The following PCDHGA6 variants were observed in gnomAD, a reference collection of about 807,000 sequenced individuals.
PCDHGA6 encodes protocadherin gamma subfamily A, 6.
Under a neutral mutation model 60.6 loss-of-function variants are expected in PCDHGA6, and 41 were observed. That is an observed-to-expected ratio of 0.68 (90% confidence interval 0.53 to 0.88). PCDHGA6 has a LOEUF of 0.88. Among genes scored for constraint, PCDHGA6 ranks in the 40% least tolerant of loss-of-function variants. The pLI is 0.00. For missense variants in PCDHGA6, 1,312 were observed against 1,203.0 expected, an observed-to-expected ratio of 1.09 and a Z score of -1.34; for synonymous variants, 594 against 524.4, an observed-to-expected ratio of 1.13 and a Z score of -1.81.
At chr5:141,421,261 C>T (rs753531462) in intron 1 of PCDHGA6, 24 of 1,609,076 alleles carry the variant, frequency 1.5e-5, no homozygotes, top group Non-Finnish European at 2.0e-5. Context: ...GGACCGCAGT[C>T]GGCTGCTGCT....
chr5:141,423,603 C>G, intron 1 of PCDHGA6: 1 of 1,612,584 alleles, frequency 6.2e-7, no homozygotes. Flanking sequence ...GCGAGCCACT[C>G]TTGATAGCTG....
At chr5:141,398,009 C>A (rs1589315775) in intron 1 of PCDHGA6, 6 of 1,400,558 alleles carry the variant, frequency 4.3e-6, no homozygotes, top group East Asian at 5.1e-5. Flanking sequence ...GAAAAAGAAT[C>A]GTTTCCTAAA....
chr5:141,484,277 G>T (rs1026083889), intron 1 of PCDHGA6, among the ~76,000 whole-genome samples: 1 of 152,126 alleles, frequency 6.6e-6, no homozygotes, highest in South Asian at 2.1e-4. Context: ...TTACTGTTTT[G>T]AAACATCTCC....
At chr5:141,435,214 A>C (rs1314928643) in intron 1 of PCDHGA6, among the ~76,000 whole-genome samples, 1 of 152,176 alleles carries the variant, frequency 6.6e-6, no homozygotes, top group Non-Finnish European at 1.5e-5. Flanking sequence ...AAGTGAATTT[A>C]CTTTCTTTCA....
Position 141,374,535 on chromosome 5 carries a change from G to C in PCDHGA6, c.452G>C (p.Arg151Pro), listed in dbSNP as rs752542327. 2 of 1,613,092 alleles carry C rather than the reference G, an allele frequency of 1.2e-6. No homozygotes were observed. The highest frequency in any genetic ancestry group is 1.3e-5 in the African/African-American group (1 of 75,040). Residue 151 changes from arginine (R) to proline (P), a missense_variant, in exon 1 of 4, where the codon CGT becomes CCT. Physicochemically the swap from Arg to Pro is moderately radical, Grantham distance 103. Coordinates refer to ENST00000517434, the MANE Select transcript of PCDHGA6 (RefSeq NM_018919.3). The part of the protein sequence containing the change: ...KILENAAPSS[R>P]FPLMEVYDPD... ...CTCGAAAACGCAGCTCCATCCTCTC[G>C]TTTTCCACTAATGGAGGTCTATGAC...
intron 1 of PCDHGA6, chr5:141,383,386 G>C (rs1199066955): frequency 1.2e-6 from 2 of 1,614,000 alleles, no homozygotes; most frequent in Non-Finnish European, 1.7e-6. Context: ...TCCAGATGTG[G>C]GCACGAACTC....
rs762443906 is a variant in PCDHGA6, at chr5:141,374,173, G to C, written c.90G>C (p.Gln30His). The C allele has an allele frequency of 3.1e-6, 5 of 1,613,352 alleles. No homozygotes were observed. The South Asian group carries it at 4.4e-5, about 14-fold the overall frequency. ...CGCTGTGGGGGGCCGCGGCAGCGCA[G>C]ATCCGCTACTCTATTCCCGAGGAGC... ...LGTLWGAAAA[Q>H]IRYSIPEELE... is the part of the protein sequence containing the mutation. Residue 30 changes from glutamine (Q) to histidine (H), a missense_variant, in exon 1 of 4, where the codon CAG (glutamine) becomes CAC (histidine). Coordinates refer to ENST00000517434, the MANE Select transcript of PCDHGA6 (RefSeq NM_018919.3).
chr5:141,492,274 A>C (rs2099739010), intron 1 of PCDHGA6, among the ~76,000 whole-genome samples: 1 of 152,024 alleles, frequency 6.6e-6, no homozygotes, highest in Non-Finnish European at 1.5e-5. Flanking sequence ...CGGGCTCGCC[A>C]CGCCCCGCCA....
At chr5:141,394,482 G>A in intron 1 of PCDHGA6, 1 of 1,614,240 alleles carries the variant, frequency 6.2e-7, no homozygotes, top group Non-Finnish European at 8.5e-7. Context: ...GGACCAGAAT[G>A]ACAACGCGCC....
At position 141,486,090 on chromosome 5, in the gene PCDHGA6, G is replaced by C. The variant is rs190955361; in HGVS notation, c.2425-8717G>C. On this transcript the variant is annotated intron_variant, in intron 1 of 3. Transcript: ENST00000517434. The surrounding 1 kb of genome is among the most constrained non-coding windows in gnomAD (Gnocchi z 5.0). ...ACTACTGGAAAGCTTACTCTTTTGG[G>C]GCCCCTAGACTTTGAGAGTGAGAAT... 4 of 1,614,086 alleles carry C rather than the reference G, an allele frequency of 2.5e-6. No individual in the cohort carries two copies. The Admixed American group carries it at 6.7e-5, about 27-fold the overall frequency.
chr5:141,382,310 C>T (rs1423976376), intron 1 of PCDHGA6, among the ~76,000 whole-genome samples: 1 of 152,178 alleles, frequency 6.6e-6, no homozygotes, highest in African/African-American at 2.4e-5. Flanking sequence ...AATTTATATA[C>T]ACTGATGTAA....
At chr5:141,475,980 C>T (rs758066578) in intron 1 of PCDHGA6, 45 of 1,028,498 alleles carry the variant, frequency 4.4e-5, no homozygotes, top group Non-Finnish European at 6.2e-5. Flanking sequence ...ACTGAACAGC[C>T]GGCGAGCAAA....
intron 2 of PCDHGA6, among the ~76,000 whole-genome samples, chr5:141,498,839 A>C (rs2099786236): frequency 6.6e-6 from 1 of 152,062 alleles, no homozygotes; most frequent in Non-Finnish European, 1.5e-5. Context: ...AGGCTGAGGC[A>C]GGGGAATCGC....
At position 141,409,019 on chromosome 5, in the gene PCDHGA6, G is replaced by T; in HGVS notation, c.2424+32512G>T. 2.5e-6 allele frequency: 4 copies of T among 1,613,996 alleles called. No homozygotes were observed. The South Asian group carries it at 3.3e-5, about 13-fold the overall frequency. On this transcript the variant is annotated intron_variant, in intron 1 of 3. Coordinates refer to ENST00000517434, the MANE Select transcript of PCDHGA6 (RefSeq NM_018919.3). The stretch of plus-strand genomic sequence containing the variant: ...GACAGCCACTGACCAGGATGAGGGG[G>T]TCAATGCTGAGATAAACTACTACTT...
intron 1 of PCDHGA6, chr5:141,422,419 A>G (rs1318381358): frequency 8.7e-6 from 14 of 1,607,158 alleles, no homozygotes; most frequent in Non-Finnish European, 1.2e-5. Context: ...ATTAGAAAAG[A>G]CTTATGGAAA....
chr5:141,415,522 C>T, intron 1 of PCDHGA6: 1 of 1,614,178 alleles, frequency 6.2e-7, no homozygotes, highest in African/African-American at 1.3e-5. Flanking sequence ...TGCGGACACG[C>T]TCATCAGCCA....
At position 141,374,776 on chromosome 5, in the gene PCDHGA6, A is replaced by T. The variant is rs376190994; in HGVS notation, c.693A>T (p.Thr231=). The change falls in exon 1 of 4, where the codon ACA becomes ACT. Residue 231 remains threonine (T), a synonymous_variant. Coordinates refer to ENST00000517434, the MANE Select transcript of PCDHGA6 (RefSeq NM_018919.3). ...VRSSVAQILV[T]VLDVNDNTPM... is the part of the protein sequence containing the mutation. ...CAAGCGTCGCCCAAATTCTGGTAAC[A>T]GTTCTAGATGTGAATGACAACACTC... 2 of 1,613,844 alleles carry T rather than the reference A, an allele frequency of 1.2e-6. No homozygotes were observed. Among genetic ancestry groups the T allele is most frequent in the African/African-American group, 1.3e-5 (1 of 75,050 alleles).
At chr5:141,474,920 C>A (rs1363277892) in intron 1 of PCDHGA6, among the ~76,000 whole-genome samples, 2 of 152,232 alleles carry the variant, frequency 1.3e-5, no homozygotes, top group Admixed American at 6.5e-5. Context: ...TACATCTCAT[C>A]TCTGGCTTAT....
intron 1 of PCDHGA6, among the ~76,000 whole-genome samples, chr5:141,460,653 GT>G (rs2098994590): frequency 6.6e-6 from 1 of 151,844 alleles, no homozygotes; most frequent in Admixed American, 6.6e-5. Context: ...TTACACATAT[GT>G]AACTGTAAAC....
Sources: allele counts gnomAD v4.1 joint callset (sites outside exome capture counted in the v4.1 genomes callset), GRCh38; gene constraint gnomAD v4.1.1; non-coding constraint Gnocchi (gnomAD v3.1); transcripts MANE v1.5; gene names NCBI Gene and HGNC (gene_info 2026-07-23, HGNC 2026-07-21).